DYNC2I1: variants seen among roughly 807,000 people sequenced by gnomAD.
The protein encoded by DYNC2I1 is dynein 2 intermediate chain 1.
In DYNC2I1, 89 loss-of-function variants were observed where a neutral mutation model predicts 133.4. That is an observed-to-expected ratio of 0.67 (90% CI 0.56 to 0.80). DYNC2I1 has a LOEUF of 0.80. Ranked by LOEUF, DYNC2I1 falls within the 30% of genes least tolerant of loss-of-function variation. The pLI is 0.00. For missense variants in DYNC2I1, 1,291 were observed against 1,314.5 expected, an observed-to-expected ratio of 0.98 and a Z score of 0.28; for synonymous variants, 504 against 484.3, an observed-to-expected ratio of 1.04 and a Z score of -0.54.
chr7:158,925,020 C>T (rs894857203), intron 17 of DYNC2I1, among the ~76,000 whole-genome samples: 3 of 152,086 alleles, frequency 2.0e-5, no homozygotes, highest in Non-Finnish European at 2.9e-5. Flanking sequence ...CCTCCCAAAG[C>T]GCTGGGATTA....
chr7:158,856,943 T>G (rs191879897), intron 1 of DYNC2I1, among the ~76,000 whole-genome samples, 193 bp downstream of exon 1: 211 of 152,054 alleles, frequency 1.4e-3, no homozygotes, highest in Admixed American at 4.3e-3. Flanking sequence ...GCGCGAGGGA[T>G]GGCAGGACGC....
intron 8 of DYNC2I1, among the ~76,000 whole-genome samples, chr7:158,893,536 T>G (rs1845440760): frequency 6.6e-6 from 1 of 152,190 alleles, no homozygotes; most frequent in Non-Finnish European, 1.5e-5. Context: ...TATAATTTAT[T>G]GACTGCAGCA....
At position 158,879,753 on chromosome 7, in the gene DYNC2I1, C is replaced by G; in HGVS notation, c.643C>G (p.His215Asp). Reference protein sequence around the residue: ...WLYKEEGERRHRKPREPDRDN... With the variant: ...WLYKEEGERRDRKPREPDRDN... The stretch of plus-strand genomic sequence containing the variant: ...TTATAAAGAAGAAGGCGAGAGGAGA[C>G]ACAGGAAGCCCAGAGAGCCAGATCG... The change falls in exon 5 of 25, where the codon CAC becomes GAC. Residue 215 changes from histidine to aspartate, a missense_variant. Physicochemically the swap from His to Asp is moderately conservative, Grantham distance 81 (BLOSUM62 -1). Coordinates refer to ENST00000407559, the MANE Select transcript of DYNC2I1 (RefSeq NM_018051.5). 1.2e-6 allele frequency: 2 copies of G among 1,607,750 alleles called. No homozygotes were observed. The highest frequency in any genetic ancestry group is 1.7e-6 in the Non-Finnish European group (2 of 1,178,504).
chr7:158,936,643 T>C (rs1369515657), intron 23 of DYNC2I1, among the ~76,000 whole-genome samples: 1 of 152,244 alleles, frequency 6.6e-6, no homozygotes, highest in Non-Finnish European at 1.5e-5. Context: ...GACTACTGTC[T>C]GCAGCCCTGA....
At chr7:158,928,884 G>A (rs1849902005) in intron 20 of DYNC2I1, among the ~76,000 whole-genome samples, 1 of 152,154 alleles carries the variant, frequency 6.6e-6, no homozygotes, top group South Asian at 2.1e-4. Flanking sequence ...CCGTTAACTT[G>A]TTACATGATC....
chr7:158,868,338 C>T (rs1400122546), intron 1 of DYNC2I1, among the ~76,000 whole-genome samples: 1 of 152,142 alleles, frequency 6.6e-6, no homozygotes, highest in Non-Finnish European at 1.5e-5. Context: ...GGTCGTGAGG[C>T]GCTGCGACAT....
intron 10 of DYNC2I1, 105 bp downstream of exon 10, chr7:158,902,700 A>G: frequency 9.7e-7 from 1 of 1,026,612 alleles, no homozygotes; most frequent in Non-Finnish European, 1.4e-6. Context: ...AGGTGGGTGG[A>G]GCAGTAACAT....
chr7:158,866,563 A>C (rs1284286664), intron 1 of DYNC2I1, among the ~76,000 whole-genome samples: 3 of 151,998 alleles, frequency 2.0e-5, no homozygotes, highest in Non-Finnish European at 4.4e-5. Flanking sequence ...CAGGTCCTAT[A>C]TTAAACCTCT....
intron 4 of DYNC2I1, among the ~76,000 whole-genome samples, chr7:158,877,629 G>A (rs1326269482): frequency 6.6e-6 from 1 of 152,106 alleles, no homozygotes; most frequent in Non-Finnish European, 1.5e-5. Context: ...TGGCATTTCT[G>A]GGCATTTTTA....
At chr7:158,934,025 C>A in intron 21 of DYNC2I1, 104 bp from the exon 22 acceptor site, 1 of 762,280 alleles carries the variant, frequency 1.3e-6, no homozygotes, top group South Asian at 1.7e-5. Flanking sequence ...GTGACATGGC[C>A]TGTTATACAT....
chr7:158,908,992 A>G (rs902206551), intron 11 of DYNC2I1, among the ~76,000 whole-genome samples: 11 of 152,206 alleles, frequency 7.2e-5, no homozygotes, highest in African/African-American at 2.7e-4. Flanking sequence ...TATTGAAACA[A>G]TGGGATGAAT....
At chr7:158,908,500 C>T (rs1032988251) in intron 11 of DYNC2I1, among the ~76,000 whole-genome samples, 4 of 152,136 alleles carry the variant, frequency 2.6e-5, no homozygotes, top group African/African-American at 9.7e-5. Flanking sequence ...GACTTATTAT[C>T]CCTAATGCAT....
intron 15 of DYNC2I1, among the ~76,000 whole-genome samples, chr7:158,920,323 G>A (rs980745612): frequency 2.0e-5 from 3 of 149,994 alleles, no homozygotes; most frequent in African/African-American, 4.9e-5. Flanking sequence ...ATACTGCAGC[G>A]CCGGGCCTCC....
intron 1 of DYNC2I1, among the ~76,000 whole-genome samples, chr7:158,858,788 T>G (rs1841563184): frequency 6.7e-6 from 1 of 150,206 alleles, no homozygotes; most frequent in Admixed American, 6.6e-5. Flanking sequence ...TCCATGCTTT[T>G]TCCAGTGGAG....
At chr7:158,917,931 C>G (rs932793909) in intron 14 of DYNC2I1, among the ~76,000 whole-genome samples, 2 of 152,188 alleles carry the variant, frequency 1.3e-5, no homozygotes, top group African/African-American at 4.8e-5. Flanking sequence ...GTCTCTCACT[C>G]TCCCGTTCTG....
intron 1 of DYNC2I1, among the ~76,000 whole-genome samples, chr7:158,862,222 A>G (rs1841922530): frequency 6.6e-6 from 1 of 152,208 alleles, no homozygotes; most frequent in African/African-American, 2.4e-5. Context: ...AGAGACTATC[A>G]GGGCCACAGC....
At position 158,945,553 on chromosome 7, in the gene DYNC2I1, C is replaced by T. The variant is rs754402728; in HGVS notation, c.3003-28C>T. The T allele has an allele frequency of 6.3e-7, 1 of 1,580,004 alleles. No individual in the cohort carries two copies. The highest frequency in any genetic ancestry group is 2.3e-5 in the East Asian group (1 of 43,146). ...CCGAATGTCCCTTTGTGTGCACTGA[C>T]CCTCTGCTTCTGCCCCTCTCCCTGC... On this transcript the variant is annotated intron_variant, in intron 24 of 24. Transcript: ENST00000407559. The surrounding 1 kb of genome is among the most constrained non-coding windows in gnomAD (Gnocchi z 4.1).
intron 20 of DYNC2I1, among the ~76,000 whole-genome samples, chr7:158,927,314 G>A (rs577628580): frequency 1.3e-5 from 2 of 151,832 alleles, no homozygotes; most frequent in African/African-American, 4.8e-5. Context: ...AAGGTGGGAG[G>A]ATTGCTTGAG....
the DYNC2I1 span, among the ~76,000 whole-genome samples, chr7:158,843,449 G>A: frequency 6.6e-6 from 1 of 152,126 alleles, no homozygotes; most frequent in Non-Finnish European, 1.5e-5. Context: ...TAGTAGAGAC[G>A]GGGTTTTGCC....
Sources: allele counts gnomAD v4.1 joint callset (sites outside exome capture counted in the v4.1 genomes callset), GRCh38; gene constraint gnomAD v4.1.1; non-coding constraint Gnocchi (gnomAD v3.1); transcripts MANE v1.5; gene names NCBI Gene and HGNC (gene_info 2026-07-23, HGNC 2026-07-21).